DRD2: variants seen among roughly 807,000 people sequenced by gnomAD.
The protein encoded by DRD2 is dopamine receptor D2.
A neutral mutation model predicts 38.0 loss-of-function variants in DRD2; 8 were observed. That is an observed-to-expected ratio of 0.21 (90% CI 0.12 to 0.38). The LOEUF is 0.38. Ranked by LOEUF, DRD2 falls within the 10% of genes least tolerant of loss-of-function variation. The pLI is 1.00. For missense variants in DRD2, 403 were observed against 607.7 expected (o/e 0.66, Z 3.54); for synonymous variants, 230 against 238.6 (o/e 0.96, Z 0.33).
At chr11:113,440,849 C>T (rs190179492) in intron 1 of DRD2, among the ~76,000 whole-genome samples, 26 of 152,348 alleles carry the variant, frequency 1.7e-4, no homozygotes, top group East Asian at 5.8e-4. Flanking sequence ...AATATAAACA[C>T]TTCGGTCTTA....
At chr11:113,411,055 G>A (rs544131992) in intron 7 of DRD2, 135 bp from the exon 8 acceptor site, 37 of 883,686 alleles carry the variant, frequency 4.2e-5, no homozygotes, top group Middle Eastern at 3.4e-4. Context: ...GAGGAGTCCA[G>A]GTCTTGGATC....
chr11:113,450,333 G>A lies in DRD2; in HGVS notation c.-32+24743C>T, dbSNP rs1336530253. Among the ~76,000 whole-genome samples the A allele has an allele frequency of 4.6e-5, 7 of 152,166 alleles. No individual in the cohort carries two copies. The South Asian group carries it at 6.2e-4, about 14-fold the overall frequency. On this transcript the variant is annotated intron_variant, in intron 1 of 7. Transcript: ENST00000362072. ...CATTGTTGTGCTTTTTGAAGGCCTC[G>A]AAACAGCCCTCTGACCAAGCAGGGC...
chr11:113,446,996 C>A (rs1438661390), intron 1 of DRD2, among the ~76,000 whole-genome samples: 1 of 152,206 alleles, frequency 6.6e-6, no homozygotes. Context: ...GTCTTGACTC[C>A]TAAGCAGCAC....
chr11:113,470,981 T>C (rs1331599440), intron 1 of DRD2, among the ~76,000 whole-genome samples: 1 of 152,114 alleles, frequency 6.6e-6, no homozygotes, highest in African/African-American at 2.4e-5. Context: ...CTGCCAAGGG[T>C]ATTGATTTAA....
chr11:113,429,195 C>T (rs912285181), intron 1 of DRD2, among the ~76,000 whole-genome samples: 1 of 152,094 alleles, frequency 6.6e-6, no homozygotes, highest in African/African-American at 2.4e-5. Flanking sequence ...TACCTGTAAC[C>T]CCTATAAGTA....
chr11:113,461,170 C>T (rs907522462), intron 1 of DRD2, among the ~76,000 whole-genome samples: 6 of 152,188 alleles, frequency 3.9e-5, no homozygotes, highest in South Asian at 2.1e-4. Flanking sequence ...GATGAATCTG[C>T]GAGGCCACAG....
In DRD2 at chr11:113,424,352, A is replaced by AG; in HGVS notation, c.285+14dup. ...TGCTGGAGAAAGTGCTGGAGCAAGC[A>AG]GGGGGCCCACCTACCTCCAGGTAGA... is the stretch of plus-strand genomic sequence containing the variant. On this transcript the variant is annotated intron_variant, in intron 2 of 7. Coordinates refer to ENST00000362072, the MANE Select transcript of DRD2 (RefSeq NM_000795.4). 3 of 1,605,586 alleles carry AG rather than the reference A, an allele frequency of 1.9e-6. No individual in the cohort carries two copies. Among genetic ancestry groups the AG allele is most frequent in the Middle Eastern group, 1.7e-4 (1 of 6,048 alleles).
chr11:113,436,107 A>T (rs1450454949), intron 1 of DRD2, among the ~76,000 whole-genome samples: 1 of 152,076 alleles, frequency 6.6e-6, no homozygotes. Context: ...TTTCTTTCCC[A>T]TTTGGCAAAG....
At chr11:113,436,499 A>G (rs1951038906) in intron 1 of DRD2, among the ~76,000 whole-genome samples, 1 of 152,228 alleles carries the variant, frequency 6.6e-6, no homozygotes, top group African/African-American at 2.4e-5. Context: ...TATGATATTC[A>G]GAATTATTGA....
At chr11:113,427,208 C>T (rs1214121621) in intron 1 of DRD2, among the ~76,000 whole-genome samples, 1 of 152,212 alleles carries the variant, frequency 6.6e-6, no homozygotes, top group Non-Finnish European at 1.5e-5. Context: ...CATGCTTGAT[C>T]TTGTCTAATT....
chr11:113,447,217 G>C (rs1431994520), intron 1 of DRD2, among the ~76,000 whole-genome samples: 1 of 152,218 alleles, frequency 6.6e-6, no homozygotes, highest in Non-Finnish European at 1.5e-5. Context: ...GCCACACTCT[G>C]TTCTGTTGTG....
At chr11:113,436,792 C>T (rs890850396) in intron 1 of DRD2, among the ~76,000 whole-genome samples, 2 of 152,148 alleles carry the variant, frequency 1.3e-5, no homozygotes, top group East Asian at 1.9e-4. Context: ...CTCACCCCAG[C>T]GCCCATCCCT....
At chr11:113,429,797 C>G (rs147678857) in intron 1 of DRD2, among the ~76,000 whole-genome samples, 1 of 152,200 alleles carries the variant, frequency 6.6e-6, no homozygotes, top group Non-Finnish European at 1.5e-5. Flanking sequence ...CCCAACTCTA[C>G]CATTTACTAA....
At chr11:113,462,407 G>A (rs953463567) in intron 1 of DRD2, among the ~76,000 whole-genome samples, 4 of 152,184 alleles carry the variant, frequency 2.6e-5, no homozygotes, top group Non-Finnish European at 5.9e-5. Flanking sequence ...CTGGATTACA[G>A]TGGACCCTAA....
intron 1 of DRD2, among the ~76,000 whole-genome samples, chr11:113,464,993 C>A (rs933760491): frequency 6.6e-6 from 1 of 152,198 alleles, no homozygotes; most frequent in East Asian, 1.9e-4. Context: ...ACCTCCACTG[C>A]CCCTCCCTAG....
intron 1 of DRD2, among the ~76,000 whole-genome samples, chr11:113,448,420 C>G (rs1565673628): frequency 6.6e-6 from 1 of 152,204 alleles, no homozygotes; most frequent in Admixed American, 6.5e-5. Context: ...TTCTTGGAAA[C>G]ACAGAGACTC....
chr11:113,455,272 G>T (rs1951258661), intron 1 of DRD2, among the ~76,000 whole-genome samples: 1 of 152,090 alleles, frequency 6.6e-6, no homozygotes. Flanking sequence ...CTGAGGCAGA[G>T]AATTGCTTGA....
At chr11:113,413,526 C>T (rs965912934) in intron 6 of DRD2, among the ~76,000 whole-genome samples, 3 of 152,198 alleles carry the variant, frequency 2.0e-5, no homozygotes, top group Non-Finnish European at 2.9e-5. Context: ...TTAGTCTGAA[C>T]TTCTAAAGTG....
At position 113,418,062 on chromosome 11, in the gene DRD2, C is replaced by T. The variant is rs199754592; in HGVS notation, c.360G>A (p.Ala120=). The part of the protein sequence containing the change: ...FVTLDVMMCT[A]SILNLCAISI... ...TGATGGCACACAAGTTCAGGATGCT[C>T]GCCGTGCACATCATGACGTCCAGAG... is the stretch of plus-strand genomic sequence containing the variant. The change falls in exon 3 of 8, where the codon GCG becomes GCA. Residue 120 remains alanine (A), a synonymous_variant. Coordinates refer to ENST00000362072, the MANE Select transcript of DRD2 (RefSeq NM_000795.4). The T allele has an allele frequency of 2.8e-5, 45 of 1,614,160 alleles. No homozygotes were observed. In the East Asian group the frequency reaches 2.9e-4, roughly 10 times the overall value.
Sources: allele counts gnomAD v4.1 joint callset (sites outside exome capture counted in the v4.1 genomes callset), GRCh38; gene constraint gnomAD v4.1.1; transcripts MANE v1.5; gene names NCBI Gene and HGNC (gene_info 2026-07-23, HGNC 2026-07-21).